CACHD1: variants seen among roughly 807,000 people sequenced by gnomAD.
CACHD1 encodes cache domain containing 1, also known as VWFA and cache domain-containing protein 1.
CACHD1 carries 71 observed loss-of-function variants against 138.7 expected under a neutral mutation model. The observed-to-expected ratio is 0.51, with a 90% CI of 0.42 to 0.62. The LOEUF (loss-of-function observed/expected upper bound fraction) is 0.62, where lower values mean the gene tolerates loss of function less well. Ranked by LOEUF, CACHD1 falls within the 20% of genes least tolerant of loss-of-function variation. CACHD1 has a pLI of 0.00. For synonymous variants in CACHD1, 578 were observed against 591.5 expected, an observed-to-expected ratio of 0.98 and a Z score of 0.33; for missense variants, 1,389 against 1,625.3, an observed-to-expected ratio of 0.85 and a Z score of 2.50.
intron 1 of CACHD1, among the ~76,000 whole-genome samples, chr1:64,537,086 G>A (rs537011268): frequency 4.3e-4 from 65 of 152,264 alleles, no homozygotes; most frequent in African/African-American, 1.5e-3. Context: ...GAGGGTCACC[G>A]TATTTGCAGC....
chr1:64,549,209 G>A (rs1241747504), intron 1 of CACHD1, among the ~76,000 whole-genome samples: 1 of 152,176 alleles, frequency 6.6e-6, no homozygotes, highest in Admixed American at 6.5e-5. Flanking sequence ...AAGGTGTTTT[G>A]TGAAAGTTAA....
At chr1:64,654,831 G>A in intron 12 of CACHD1, 28 bp downstream of exon 12, 2 of 1,517,028 alleles carry the variant, frequency 1.3e-6, no homozygotes, top group Non-Finnish European at 1.8e-6. Context: ...GTGTTTGCTT[G>A]AAGAGCTACA....
At chr1:64,677,046 A>C in intron 22 of CACHD1, 35 bp downstream of exon 22, 1 of 1,479,942 alleles carries the variant, frequency 6.8e-7, no homozygotes, top group Non-Finnish European at 9.4e-7. Context: ...GAGGTTTTCC[A>C]GCTAATATTT....
chr1:64,614,665 T>C (rs74080456), intron 4 of CACHD1, among the ~76,000 whole-genome samples: 2 of 152,352 alleles, frequency 1.3e-5, no homozygotes, highest in African/African-American at 4.8e-5. Flanking sequence ...GCTGGGCATC[T>C]GCCTATGAGT....
chr1:64,690,786 G>A (rs532935036), intron 26 of CACHD1, among the ~76,000 whole-genome samples: 1 of 152,364 alleles, frequency 6.6e-6, no homozygotes, highest in South Asian at 2.1e-4. Flanking sequence ...AGGTGATGGT[G>A]ATGGTTCTTT....
At position 64,644,901 on chromosome 1, in the gene CACHD1, C is replaced by T. The variant is rs145366886; in HGVS notation, c.1157-2900C>T. On this transcript the variant is annotated intron_variant, in intron 8 of 26. Transcript: ENST00000651257. ...TCACCTGAGGTCAGGAGTTCGAGAC[C>T]AGCCTGACCAGCGTGGTGAAACCCC... is the stretch of plus-strand genomic sequence containing the variant. 1.3e-4 allele frequency among the ~76,000 whole-genome samples: 20 copies of T among 152,310 alleles called. No individual in the cohort carries two copies. The East Asian group carries it at 1.9e-3, about 15-fold the overall frequency.
intron 1 of CACHD1, among the ~76,000 whole-genome samples, chr1:64,486,350 GCACACACACACACACACATACACA>G (rs1275731954): frequency 8.1e-6 from 1 of 123,370 alleles, no homozygotes; most frequent in African/African-American, 3.0e-5. Flanking sequence ...GAGAGCGCGC[GCACACACACACACACACATACACA>G]CACACACACA....
At chr1:64,570,444 G>A (rs542577939) in intron 2 of CACHD1, among the ~76,000 whole-genome samples, 135 of 152,224 alleles carry the variant, frequency 8.9e-4, no homozygotes, top group African/African-American at 2.8e-3. Flanking sequence ...TACATGCTGC[G>A]GAGTCATGAG....
chr1:64,512,261 G>T (rs933940810), intron 1 of CACHD1, among the ~76,000 whole-genome samples: 1 of 152,032 alleles, frequency 6.6e-6, no homozygotes, highest in Non-Finnish European at 1.5e-5. Flanking sequence ...GGTCATGGTG[G>T]TGCACACCTG....
intron 1 of CACHD1, among the ~76,000 whole-genome samples, chr1:64,519,128 A>C (rs1646479510): frequency 3.3e-5 from 5 of 152,164 alleles, no homozygotes; most frequent in Admixed American, 3.3e-4. Context: ...TTTTGTTTTT[A>C]ATCTCATTAA....
At chr1:64,665,576 C>T (rs542945034) in intron 15 of CACHD1, among the ~76,000 whole-genome samples, 2 of 152,320 alleles carry the variant, frequency 1.3e-5, no homozygotes, top group South Asian at 2.1e-4. Context: ...ATTCTCTTTA[C>T]TACTTGTGTT....
At chr1:64,543,907 G>A (rs1325547486) in intron 1 of CACHD1, among the ~76,000 whole-genome samples, 1 of 106,074 alleles carries the variant, frequency 9.4e-6, no homozygotes, top group African/African-American at 3.5e-5. Flanking sequence ...ACAGGGCTTC[G>A]CCATGTCAGC....
At chr1:64,653,408 AGAAG>A (rs1436399308) in intron 10 of CACHD1, among the ~76,000 whole-genome samples, 4 of 148,412 alleles carry the variant, frequency 2.7e-5, no homozygotes, top group African/African-American at 1.0e-4. Flanking sequence ...AAAAAAAAAA[AGAAG>A]AATGTCATCC....
intron 1 of CACHD1, among the ~76,000 whole-genome samples, chr1:64,537,075 T>C (rs1486074491): frequency 6.6e-6 from 1 of 152,198 alleles, no homozygotes; most frequent in Non-Finnish European, 1.5e-5. Context: ...TTGCCCTCTG[T>C]GAGGGTCACC....
chr1:64,586,868 A>G (rs1209691115), intron 3 of CACHD1, among the ~76,000 whole-genome samples: 1 of 152,230 alleles, frequency 6.6e-6, no homozygotes, highest in Non-Finnish European at 1.5e-5. Context: ...ACTGAAGTTC[A>G]TGAAAAATGG....
rs950455342 is a variant in CACHD1, at chr1:64,679,877, T to C, written c.3406+121T>C. 14 of 1,141,160 alleles carry C rather than the reference T, an allele frequency of 1.2e-5. 1 individual carries two copies. In the Admixed American group the frequency reaches 1.7e-4, roughly 14 times the overall value. 70.7% of individuals were successfully genotyped at this position (1,141,160 alleles called of 1,614,324 possible). On this transcript the variant is annotated intron_variant, in intron 24 of 26. Coordinates refer to ENST00000651257, the MANE Select transcript of CACHD1 (RefSeq NM_020925.4). ...TATACTTTCAGCTTCTGTGGAGTCA[T>C]TTTGGAAGTTCCCAAAGCCTGCTTT...
intron 7 of CACHD1, among the ~76,000 whole-genome samples, chr1:64,637,324 A>G (rs1166409036): frequency 1.3e-5 from 2 of 152,232 alleles, no homozygotes; most frequent in East Asian, 3.8e-4. Context: ...ACATGGTCAC[A>G]TGGACACATG....
At chr1:64,640,741 TTATATATA>T (rs67605354) in intron 7 of CACHD1, among the ~76,000 whole-genome samples, 21 of 149,408 alleles carry the variant, frequency 1.4e-4, no homozygotes, top group African/African-American at 5.0e-4. Context: ...ACTCTCAACA[TTATATATA>T]TATATATATA....
In CACHD1 at chr1:64,601,538, A is replaced by G. The variant is rs369539055; in HGVS notation, c.411-1268A>G. On this transcript the variant is annotated intron_variant, in intron 3 of 26. Coordinates refer to ENST00000651257, the MANE Select transcript of CACHD1 (RefSeq NM_020925.4). ...CCTGGACTAACAGTAAAATCCAGCT[A>G]TCTCCTTCTTTGAGATGGTATGAAA... Among the ~76,000 whole-genome samples, 10 of 152,298 alleles carry G rather than the reference A, an allele frequency of 6.6e-5. No homozygotes were observed. In the East Asian group the frequency reaches 1.5e-3, roughly 24 times the overall value.
Sources: allele counts gnomAD v4.1 joint callset (sites outside exome capture counted in the v4.1 genomes callset), GRCh38; gene constraint gnomAD v4.1.1; transcripts MANE v1.5; gene names NCBI Gene and HGNC (gene_info 2026-07-23, HGNC 2026-07-21).